Variants in ATG10 observed in about 807,000 individuals in gnomAD.
ATG10 encodes the protein autophagy related 10.
ATG10 carries 30 observed loss-of-function variants against 32.1 expected under a neutral mutation model. The observed-to-expected ratio is 0.94, with a 90% confidence interval of 0.70 to 1.27. The LOEUF (loss-of-function observed/expected upper bound fraction) is 1.27, where lower values mean the gene tolerates loss of function less well. Among genes scored for constraint, ATG10 ranks in the 50% most tolerant of loss-of-function variants. ATG10 has a pLI of 0.00. For synonymous variants in ATG10, 87 were observed against 91.5 expected, an observed-to-expected ratio of 0.95 and a Z score of 0.28; for missense variants, 233 against 262.3, an observed-to-expected ratio of 0.89 and a Z score of 0.77.
intron 2 of ATG10, among the ~76,000 whole-genome samples, chr5:82,021,562 T>C (rs1762434999): frequency 6.6e-6 from 1 of 152,208 alleles, no homozygotes; most frequent in Admixed American, 6.5e-5. Flanking sequence ...AAAAAGTCTG[T>C]ACATGTTCAA....
intron 5 of ATG10, among the ~76,000 whole-genome samples, chr5:82,245,738 C>G (rs1747004228): frequency 6.6e-6 from 1 of 152,010 alleles, no homozygotes; most frequent in African/African-American, 2.4e-5. Context: ...GGTTTATATT[C>G]AGTAGTCCTA....
At chr5:82,147,358 T>G (rs1480362250) in intron 3 of ATG10, 1 of 158,228 alleles carries the variant, frequency 6.3e-6, no homozygotes, top group Non-Finnish European at 1.4e-5. Flanking sequence ...TTAGTAGAGA[T>G]AAGGTTTCAC....
chr5:82,250,001 G>T (rs1226107642), intron 5 of ATG10, among the ~76,000 whole-genome samples: 1 of 152,152 alleles, frequency 6.6e-6, no homozygotes, highest in Non-Finnish European at 1.5e-5. Context: ...GTGGAAATTT[G>T]TAACTGTAGG....
intron 5 of ATG10, among the ~76,000 whole-genome samples, chr5:82,219,610 C>T (rs1745837101): frequency 6.6e-6 from 1 of 152,280 alleles, no homozygotes. Flanking sequence ...AGCCTAAAAC[C>T]AATACAGCTG....
At chr5:82,149,265 T>C (rs563250999) in intron 3 of ATG10, among the ~76,000 whole-genome samples, 2 of 152,108 alleles carry the variant, frequency 1.3e-5, no homozygotes, top group Middle Eastern at 3.4e-3. Context: ...TATCTAGTTC[T>C]ACCCCAGTGG....
chr5:82,241,795 C>T (rs1392231417), intron 5 of ATG10, among the ~76,000 whole-genome samples: 2 of 151,698 alleles, frequency 1.3e-5, no homozygotes, highest in African/African-American at 2.4e-5. Flanking sequence ...TTTCTCTCTC[C>T]TCCATTTGAC....
intron 2 of ATG10, among the ~76,000 whole-genome samples, chr5:82,029,162 A>C (rs927127420): frequency 3.9e-5 from 6 of 152,190 alleles, no homozygotes; most frequent in African/African-American, 1.4e-4. Flanking sequence ...TGTAGAGTAC[A>C]ATTTAAGTTT....
At chr5:81,977,882 C>G (rs1013598283) in intron 1 of ATG10, among the ~76,000 whole-genome samples, 5 of 152,192 alleles carry the variant, frequency 3.3e-5, no homozygotes, top group South Asian at 4.1e-4. Context: ...ACATTAGTCT[C>G]ATCTCTGAAC....
intron 3 of ATG10, among the ~76,000 whole-genome samples, chr5:82,068,297 A>G (rs540590324): frequency 6.6e-6 from 1 of 152,230 alleles, no homozygotes; most frequent in South Asian, 2.1e-4. Context: ...CTAACACAGA[A>G]ACAGAAAACC....
intron 2 of ATG10, chr5:81,992,556 C>T (rs1456113340): frequency 6.6e-6 from 1 of 152,030 alleles, no homozygotes; most frequent in Non-Finnish European, 1.5e-5. Flanking sequence ...CATGCGCCAC[C>T]AGGCCCAGCT....
intron 2 of ATG10, among the ~76,000 whole-genome samples, chr5:82,026,794 C>T (rs1401768584): frequency 6.6e-6 from 1 of 152,136 alleles, no homozygotes. Flanking sequence ...GGTGCGGTAG[C>T]TCACGCCTGT....
chr5:82,139,195 C>T (rs1185104855), intron 3 of ATG10, among the ~76,000 whole-genome samples: 1 of 145,228 alleles, frequency 6.9e-6, no homozygotes, highest in Admixed American at 6.7e-5. Context: ...CTCACTACAA[C>T]CTACACCTCC....
intron 2 of ATG10, among the ~76,000 whole-genome samples, chr5:81,990,620 C>G (rs2149671123): frequency 1.3e-5 from 2 of 152,334 alleles, no homozygotes; most frequent in Admixed American, 1.3e-4. Context: ...TAAGTCTAGC[C>G]TTCTGTTGGC....
At chr5:82,169,046 G>T (rs551460378) in intron 4 of ATG10, among the ~76,000 whole-genome samples, 154 of 152,278 alleles carry the variant, frequency 1.0e-3, no homozygotes, top group Non-Finnish European at 2.0e-3. Flanking sequence ...AGCTATGGGG[G>T]CTGGAGGGCT....
chr5:82,230,840 G>A (rs1448861328), intron 5 of ATG10, among the ~76,000 whole-genome samples: 2 of 151,128 alleles, frequency 1.3e-5, no homozygotes, highest in African/African-American at 4.9e-5. Context: ...GGAAAATTAT[G>A]TAATTAAAAG....
chr5:82,001,802 CAA>C (rs909280848), intron 2 of ATG10, among the ~76,000 whole-genome samples: 5 of 152,082 alleles, frequency 3.3e-5, no homozygotes, highest in African/African-American at 9.7e-5. Flanking sequence ...ACTAATTAAA[CAA>C]GAGTTTCTGT....
chr5:82,084,356 T>A (rs1262338086), intron 3 of ATG10, among the ~76,000 whole-genome samples: 2 of 152,162 alleles, frequency 1.3e-5, no homozygotes, highest in African/African-American at 4.8e-5. Context: ...CTACGTCTGA[T>A]TGGTGTACCT....
At chr5:82,245,178 AGAGTT>A (rs1297338065) in intron 5 of ATG10, among the ~76,000 whole-genome samples, 1 of 152,232 alleles carries the variant, frequency 6.6e-6, no homozygotes, top group Non-Finnish European at 1.5e-5. Flanking sequence ...AATAAGGAGT[AGAGTT>A]TAGATTTTTT....
chr5:82,028,880 T>C (rs1039247919), intron 2 of ATG10, among the ~76,000 whole-genome samples: 1 of 152,194 alleles, frequency 6.6e-6, no homozygotes, highest in Non-Finnish European at 1.5e-5. Context: ...ATAAAGTTTA[T>C]GGATTCAGAA....
Sources: gnomAD v4.1 joint callset for allele counts (sites outside exome capture counted in the v4.1 genomes callset) on GRCh38, gnomAD v4.1.1 for gene constraint, MANE v1.5 for transcripts, NCBI Gene and HGNC (gene_info 2026-07-23, HGNC 2026-07-21) for gene names.